The following PRRC2C variants were observed in gnomAD, a reference collection of about 807,000 sequenced individuals.
PRRC2C encodes the protein protein PRRC2C.
Under a neutral mutation model 317.2 loss-of-function variants are expected in PRRC2C, and 72 were observed. That is an observed-to-expected ratio of 0.23 (90% confidence interval 0.19 to 0.28). The LOEUF (loss-of-function observed/expected upper bound fraction) is 0.28, where lower values mean the gene tolerates loss of function less well. PRRC2C is among the 10% of genes least tolerant of loss of function. The pLI is 1.00. For missense variants in PRRC2C, 3,074 were observed against 3,459.7 expected, an observed-to-expected ratio of 0.89 and a Z score of 2.80; for synonymous variants, 1,296 against 1,205.9, an observed-to-expected ratio of 1.07 and a Z score of -1.55.
rs779982834 is a variant in PRRC2C at position 171,541,105 on chromosome 1, T to C, written c.3639T>C (p.Gly1213=). 1.2e-6 allele frequency: 2 copies of C among 1,613,544 alleles called. No homozygotes were observed. The highest frequency in any genetic ancestry group is 1.7e-6 in the Non-Finnish European group (2 of 1,179,854). The change falls in exon 16 of 35, where the codon GGT becomes GGC. Residue 1213 remains glycine (G), a synonymous_variant. Transcript: ENST00000647382. The surrounding 1 kb of genome is among the most constrained non-coding windows in gnomAD (Gnocchi z 4.1). ...RGSYGGRGRG[G]RGHTRDYPQY... is the part of the protein sequence containing the mutation. Reference sequence around the variant, plus strand: ...CTTATGGAGGGCGTGGCAGGGGTGGTAGGGGACACACTCGAGATTATCCTC... The same window carrying C: ...CTTATGGAGGGCGTGGCAGGGGTGGCAGGGGACACACTCGAGATTATCCTC...
At chr1:171,520,951 C>T (rs1343359714) in intron 6 of PRRC2C, among the ~76,000 whole-genome samples, 2 of 151,906 alleles carry the variant, frequency 1.3e-5, no homozygotes, top group Admixed American at 6.6e-5. Context: ...ATTACAGGCA[C>T]GCCCACCACA....
At chr1:171,560,932 G>A (rs975734429) in intron 19 of PRRC2C, 86 bp from the exon 20 acceptor site, 24 of 1,028,958 alleles carry the variant, frequency 2.3e-5, no homozygotes, top group Admixed American at 1.0e-4. Context: ...TAGCTACACA[G>A]TAGGAGATTA....
At chr1:171,576,841 A>G (rs982292174) in intron 25 of PRRC2C, among the ~76,000 whole-genome samples, 1 of 151,968 alleles carries the variant, frequency 6.6e-6, no homozygotes, top group African/African-American at 2.4e-5. Context: ...TACAGGCACC[A>G]CCATGCCCAA....
intron 16 of PRRC2C, among the ~76,000 whole-genome samples, chr1:171,544,075 G>T (rs1383106322): frequency 6.6e-6 from 1 of 152,048 alleles, no homozygotes; most frequent in African/African-American, 2.4e-5. Context: ...CACCACTGCT[G>T]CATTGCCATT....
intron 23 of PRRC2C, among the ~76,000 whole-genome samples, chr1:171,568,658 A>G (rs1684133263): frequency 6.6e-6 from 1 of 152,246 alleles, no homozygotes; most frequent in South Asian, 2.1e-4. Context: ...TTACAAATTT[A>G]ACATGAACGG....
At chr1:171,525,722 TAGA>T (rs1674439119) in intron 10 of PRRC2C, among the ~76,000 whole-genome samples, 1 of 152,116 alleles carries the variant, frequency 6.6e-6, no homozygotes. Context: ...TCATTTAAGG[TAGA>T]AGGCTGCAGA....
In PRRC2C at chr1:171,541,720, T is replaced by C; in HGVS notation, c.4254T>C (p.Ala1418=). 6.2e-7 allele frequency: 1 copy of C among 1,613,832 alleles called. No homozygotes were observed. The highest frequency in any genetic ancestry group is 2.2e-5 in the East Asian group (1 of 44,870). The change falls in exon 16 of 35, where the codon GCT becomes GCC. Residue 1418 remains alanine, a synonymous_variant. Transcript: ENST00000647382. The surrounding 1 kb of genome is among the most constrained non-coding windows in gnomAD (Gnocchi z 4.1). ...PPKFERKFDP[A]RERPRRQRPT... Reference sequence around the variant, plus strand: ...AATTTGAGCGAAAATTTGACCCAGCTAGAGAAAGGCCTCGAAGGCAGCGTC... The same window carrying C: ...AATTTGAGCGAAAATTTGACCCAGCCAGAGAAAGGCCTCGAAGGCAGCGTC...
intron 15 of PRRC2C, among the ~76,000 whole-genome samples, chr1:171,539,258 C>T (rs964589128): frequency 6.6e-6 from 1 of 151,790 alleles, no homozygotes; most frequent in African/African-American, 2.4e-5. Context: ...TCCTCGGCCT[C>T]CCAAAGTGAG....
chr1:171,527,940 A>G, intron 11 of PRRC2C, 96 bp downstream of exon 11: 1 of 965,058 alleles, frequency 1.0e-6, no homozygotes, highest in Non-Finnish European at 1.6e-6. Flanking sequence ...CTTTTATGAA[A>G]CAGTTACTAA....
intron 1 of PRRC2C, among the ~76,000 whole-genome samples, chr1:171,501,024 G>A (rs1669021051): frequency 6.6e-6 from 1 of 152,134 alleles, no homozygotes; most frequent in Non-Finnish European, 1.5e-5. Flanking sequence ...TCAGCCTCCT[G>A]AGTAGCTGGG....
intron 22 of PRRC2C, among the ~76,000 whole-genome samples, chr1:171,567,266 G>A (rs1362536120): frequency 6.6e-6 from 1 of 152,048 alleles, no homozygotes; most frequent in African/African-American, 2.4e-5. Context: ...ACAGATTACT[G>A]TTTCTTTGGT....
Position 171,522,184 on chromosome 1 carries a change from A to G in PRRC2C, c.758A>G (p.Gln253Arg). Residue 253 changes from glutamine (Q) to arginine (R), a missense_variant, in exon 7 of 35, where the codon CAA becomes CGA. Gln to Arg is a conservative substitution (Grantham distance 43). Transcript: ENST00000647382. ...YRAMMPPYMFQQYPRMTYPPL... is the reference protein window; with the variant it reads ...YRAMMPPYMFRQYPRMTYPPL... ...TTTGTTTCCTTCATTCAGATGTTCC[A>G]ACAGTATCCGAGGATGACATATCCT... The G allele has an allele frequency of 6.4e-7, 1 of 1,571,624 alleles. No individual in the cohort carries two copies.
intron 34 of PRRC2C, chr1:171,591,307 G>T (rs916292788): frequency 2.3e-6 from 2 of 876,448 alleles, no homozygotes; most frequent in African/African-American, 3.5e-5. Flanking sequence ...TTTGCAAGCA[G>T]GTTCCCTAAA....
chr1:171,493,803 C>CA lies in PRRC2C; in HGVS notation c.-58+8077dup, dbSNP rs201175122. 8.5e-3 allele frequency among the ~76,000 whole-genome samples: 1,277 copies of CA among 149,570 alleles called. 10 individuals carry two copies. Among genetic ancestry groups the CA allele is most frequent in the Admixed American group, 0.022 (336 of 15,046 alleles). On this transcript the variant is annotated intron_variant, in intron 1 of 34. Coordinates refer to ENST00000647382, the MANE Select transcript of PRRC2C (RefSeq NM_001387844.1). ...TGGGCAACAGAGCAAGACTCTGTCT[C>CA]AAAAAAAAAGAGAAGAAATTATCTA... is the stretch of plus-strand genomic sequence containing the variant.
chr1:171,512,345 C>A, intron 2 of PRRC2C, 145 bp downstream of exon 2: 1 of 623,440 alleles, frequency 1.6e-6, no homozygotes, highest in South Asian at 1.5e-5. Flanking sequence ...ACACATTTTT[C>A]AGAGGATATG....
At chr1:171,508,795 CT>C (rs1301886668) in intron 1 of PRRC2C, among the ~76,000 whole-genome samples, 1 of 152,142 alleles carries the variant, frequency 6.6e-6, no homozygotes, top group Non-Finnish European at 1.5e-5. Flanking sequence ...CTTTGGGCTG[CT>C]TTGATTTGTT....
intron 1 of PRRC2C, among the ~76,000 whole-genome samples, chr1:171,494,630 A>G (rs1393569040): frequency 6.6e-6 from 1 of 152,178 alleles, no homozygotes; most frequent in Non-Finnish European, 1.5e-5. Flanking sequence ...GATGATTAGT[A>G]GGTTACTACA....
rs150475305 is a variant in PRRC2C, at chr1:171,539,686, T to C, written c.2505-285T>C. 2.2e-3 allele frequency among the ~76,000 whole-genome samples: 336 copies of C among 152,340 alleles called. 1 individual carries two copies. The highest frequency in any genetic ancestry group is 7.8e-3 in the African/African-American group (326 of 41,582). On this transcript the variant is annotated intron_variant, in intron 15 of 34. Transcript: ENST00000647382. ...GCATAATGTCCTCAGGGTTTATCCA[T>C]GTTGTAGCATATGACACTATTTCCT...
At chr1:171,500,352 G>A (rs1668859045) in intron 1 of PRRC2C, among the ~76,000 whole-genome samples, 2 of 152,082 alleles carry the variant, frequency 1.3e-5, no homozygotes. Context: ...TAACAAATGT[G>A]GAAACCACTT....
Sources: gnomAD v4.1 joint callset for allele counts (sites outside exome capture counted in the v4.1 genomes callset) on GRCh38, gnomAD v4.1.1 for gene constraint, Gnocchi (gnomAD v3.1) non-coding constraint, MANE v1.5 for transcripts, NCBI Gene and HGNC (gene_info 2026-07-23, HGNC 2026-07-21) for gene names.